ANK3: variants seen among roughly 807,000 people sequenced by gnomAD.
ANK3 encodes the protein ankyrin-3.
A neutral mutation model predicts 370.9 loss-of-function variants in ANK3; 57 were observed. The observed-to-expected ratio is 0.15, with a 90% CI of 0.12 to 0.19. The LOEUF (loss-of-function observed/expected upper bound fraction) is 0.19, where lower values mean the gene tolerates loss of function less well. Ranked by LOEUF, ANK3 falls within the 10% of genes least tolerant of loss-of-function variation. ANK3 has a pLI of 1.00. For missense variants in ANK3, 4,439 were observed against 5,302.1 expected (o/e 0.84, Z 5.06); for synonymous variants, 1,929 against 1,946.3 (o/e 0.99, Z 0.23).
intron 1 of ANK3, among the ~76,000 whole-genome samples, chr10:60,374,224 G>A (rs550763052): frequency 2.6e-5 from 4 of 152,074 alleles, no homozygotes; most frequent in African/African-American, 4.8e-5. Context: ...GGGATCCGGC[G>A]GGCAACCTTA....
At chr10:60,530,575 G>C (rs1382685892) in intron 2 of ANK3, among the ~76,000 whole-genome samples, 1 of 152,100 alleles carries the variant, frequency 6.6e-6, no homozygotes, top group Non-Finnish European at 1.5e-5. Flanking sequence ...TCTGAGAGTG[G>C]GCGCCTCTGT....
intron 1 of ANK3, among the ~76,000 whole-genome samples, chr10:60,343,408 A>G (rs2061488): frequency 0.7 from 106,049 of 152,014 alleles, 38,277 homozygotes; most frequent in South Asian, 0.92. Flanking sequence ...TTAGGAATTT[A>G]AAGTTATAAA....
At chr10:60,205,463 T>G (rs2096748155) in intron 11 of ANK3, among the ~76,000 whole-genome samples, 1 of 152,158 alleles carries the variant, frequency 6.6e-6, no homozygotes, top group Non-Finnish European at 1.5e-5. Flanking sequence ...TAAACGCCCC[T>G]TGGGGGACAA....
chr10:60,399,143 T>C (rs532881549), intron 2 of ANK3, among the ~76,000 whole-genome samples: 1 of 152,136 alleles, frequency 6.6e-6, no homozygotes, highest in Admixed American at 6.5e-5. Flanking sequence ...ATCAGAATCA[T>C]GATTACAGAC....
At chr10:60,059,191 G>GA in intron 41 of ANK3, 149 bp downstream of exon 41, 1 of 628,534 alleles carries the variant, frequency 1.6e-6, no homozygotes, top group Non-Finnish European at 2.8e-6. Context: ...TTCCTTTCCA[G>GA]ATTAGCATAA....
intron 26 of ANK3, among the ~76,000 whole-genome samples, chr10:60,112,424 C>T (rs1466137319): frequency 6.6e-6 from 1 of 152,058 alleles, no homozygotes; most frequent in Non-Finnish European, 1.5e-5. Context: ...ATATTTTTAG[C>T]AGTTTAAAAT....
chr10:60,137,374 GAAA>G (rs201151245), intron 24 of ANK3: 458 of 163,984 alleles, frequency 2.8e-3, no homozygotes, highest in Middle Eastern at 6.6e-3. Context: ...GTAATTTTAG[GAAA>G]AAAAAAAAAA....
At chr10:60,544,651 A>C (rs2076921249) in intron 2 of ANK3, among the ~76,000 whole-genome samples, 1 of 152,146 alleles carries the variant, frequency 6.6e-6, no homozygotes, top group Non-Finnish European at 1.5e-5. Flanking sequence ...TTTAGATTTT[A>C]ATCTAAAACA....
chr10:60,263,782 G>A (rs563473533), intron 6 of ANK3, 53 bp downstream of exon 6: 15 of 1,603,028 alleles, frequency 9.4e-6, no homozygotes, highest in Admixed American at 1.7e-5. Flanking sequence ...CTTAAAGGTT[G>A]TGTGTCTAAC....
intron 2 of ANK3, among the ~76,000 whole-genome samples, chr10:60,570,856 A>T (rs771671763): frequency 4.6e-5 from 7 of 152,058 alleles, no homozygotes; most frequent in Admixed American, 3.3e-4. Context: ...AGAGGGGAAA[A>T]AAAAGCCCGT....
intron 2 of ANK3, among the ~76,000 whole-genome samples, chr10:60,444,057 A>T (rs1490512941): frequency 6.6e-6 from 1 of 152,108 alleles, no homozygotes; most frequent in Admixed American, 6.6e-5. Context: ...AATTTTCATT[A>T]AAAAAACATG....
intron 2 of ANK3, among the ~76,000 whole-genome samples, chr10:60,528,050 A>G (rs1033091866): frequency 6.6e-6 from 1 of 152,164 alleles, no homozygotes; most frequent in Non-Finnish European, 1.5e-5. Context: ...AAAACGATCC[A>G]TAAGCAAACA....
At chr10:60,058,574 AT>A (rs1347383966) in intron 41 of ANK3, among the ~76,000 whole-genome samples, 1 of 152,224 alleles carries the variant, frequency 6.6e-6, no homozygotes, top group East Asian at 1.9e-4. Context: ...CACTTTTTAC[AT>A]TAAGACATTT....
intron 1 of ANK3, among the ~76,000 whole-genome samples, chr10:60,367,750 C>T (rs1323562048): frequency 6.6e-6 from 1 of 152,238 alleles, no homozygotes; most frequent in African/African-American, 2.4e-5. Flanking sequence ...TCTGACCCAA[C>T]TCCTGTGTCC....
chr10:60,711,779 T>C (rs1250829565), intron 1 of ANK3, among the ~76,000 whole-genome samples: 2 of 151,968 alleles, frequency 1.3e-5, no homozygotes, highest in Non-Finnish European at 2.9e-5. Flanking sequence ...ACATATTATA[T>C]CTAAATTGCA....
chr10:60,243,491 T>A (rs2097504520), intron 7 of ANK3, among the ~76,000 whole-genome samples: 1 of 152,190 alleles, frequency 6.6e-6, no homozygotes, highest in Non-Finnish European at 1.5e-5. Context: ...CCTCACCAGA[T>A]GCAGCCCCTC....
intron 1 of ANK3, among the ~76,000 whole-genome samples, chr10:60,688,250 G>A (rs1400478008): frequency 2.0e-5 from 3 of 152,030 alleles, no homozygotes; most frequent in Admixed American, 2.0e-4. Context: ...TATTTTAGTA[G>A]AGACAGGGTT....
rs1312868670 is a variant in ANK3 at position 60,069,799 on chromosome 10, T to C, written c.11082A>G (p.Glu3694=). The change falls in exon 37 of 44, where the codon GAA becomes GAG. Residue 3694 remains glutamate, a synonymous_variant. Transcript: ENST00000280772. ...CCAGGGAGCCACTACTGGATGTGCC[T>C]TCCTGACACTCTCCGCTGGTCGGGA... ...PSIPTSGECQ[E]GTSSSGSLEK... is the part of the protein sequence containing the mutation. 6.2e-7 allele frequency: 1 copy of C among 1,614,030 alleles called. No individual in the cohort carries two copies. The highest frequency in any genetic ancestry group is 1.3e-5 in the African/African-American group (1 of 74,930).
intron 2 of ANK3, among the ~76,000 whole-genome samples, chr10:60,439,335 G>A (rs1289138764): frequency 6.6e-6 from 1 of 152,032 alleles, no homozygotes; most frequent in Non-Finnish European, 1.5e-5. Flanking sequence ...CTGTGGTAGA[G>A]ACTGGCAAAA....
Sources: allele counts gnomAD v4.1 joint callset (sites outside exome capture counted in the v4.1 genomes callset), GRCh38; gene constraint gnomAD v4.1.1; transcripts MANE v1.5; gene names NCBI Gene and HGNC (gene_info 2026-07-23, HGNC 2026-07-21).